METTL15: variants seen among roughly 807,000 people sequenced by gnomAD.
METTL15 encodes the protein methyltransferase 15, mitochondrial 12S rRNA N4-cytidine.
Under a neutral mutation model 38.3 loss-of-function variants are expected in METTL15, and 34 were observed. The ratio of observed to expected loss-of-function variants is 0.89; its 90% CI spans 0.68 to 1.18. METTL15 has a LOEUF of 1.18. Ranked by LOEUF, METTL15 falls within the 50% of genes most tolerant of loss-of-function variation. The pLI, the probability that METTL15 is intolerant of heterozygous loss-of-function variation, is 0.00. For synonymous variants in METTL15, 162 were observed against 170.9 expected, an observed-to-expected ratio of 0.95 and a Z score of 0.41; for missense variants, 438 against 498.4, an observed-to-expected ratio of 0.88 and a Z score of 1.15.
At chr11:28,235,081 G>A (rs1302169935) in intron 4 of METTL15, among the ~76,000 whole-genome samples, 1 of 152,100 alleles carries the variant, frequency 6.6e-6, no homozygotes, top group African/African-American at 2.4e-5. Context: ...TCCATTTCTT[G>A]TTTTTGTCAG....
chr11:28,173,717 G>C (rs1438125648), intron 3 of METTL15, among the ~76,000 whole-genome samples: 1 of 152,090 alleles, frequency 6.6e-6, no homozygotes, highest in Non-Finnish European at 1.5e-5. Flanking sequence ...TCACATCCAG[G>C]ATATCACACT....
intron 5 of METTL15, among the ~76,000 whole-genome samples, chr11:28,393,438 G>A (rs994029499): frequency 6.6e-6 from 1 of 152,092 alleles, no homozygotes; most frequent in South Asian, 2.1e-4. Flanking sequence ...TATGGGTCAG[G>A]AATTTTGAAG....
chr11:28,259,805 A>G (rs564621065), intron 4 of METTL15, among the ~76,000 whole-genome samples: 1 of 152,210 alleles, frequency 6.6e-6, no homozygotes, highest in South Asian at 2.1e-4. Flanking sequence ...TACTGTGAGT[A>G]CTCACCTGAC....
intron 5 of METTL15, among the ~76,000 whole-genome samples, chr11:28,374,674 T>A (rs1376902669): frequency 1.3e-5 from 2 of 150,520 alleles, no homozygotes; most frequent in African/African-American, 4.9e-5. Context: ...TCCTGCCTAA[T>A]TGCCCTGGCC....
intron 6 of METTL15, among the ~76,000 whole-genome samples, chr11:28,430,954 G>A (rs1259224368): frequency 1.1e-4 from 11 of 98,600 alleles, no homozygotes; most frequent in Admixed American, 2.1e-4. Flanking sequence ...GGTGAGGGGC[G>A]CCTCTGCCCG....
chr11:28,518,535 C>G (rs552386437), intron 6 of METTL15, among the ~76,000 whole-genome samples: 2 of 152,182 alleles, frequency 1.3e-5, no homozygotes, highest in Non-Finnish European at 2.9e-5. Flanking sequence ...ATAATTGAAA[C>G]AGTTTGGGAA....
intron 5 of METTL15, among the ~76,000 whole-genome samples, chr11:28,413,820 G>C (rs941725009): frequency 2.6e-5 from 4 of 152,120 alleles, no homozygotes; most frequent in African/African-American, 9.7e-5. Flanking sequence ...AAATTTTAAA[G>C]AAAGATAGTC....
chr11:28,194,419 C>T (rs1033364478), intron 3 of METTL15, among the ~76,000 whole-genome samples: 4 of 151,446 alleles, frequency 2.6e-5, no homozygotes, highest in Admixed American at 6.6e-5. Context: ...AGGCTGGTCT[C>T]GAACTCCTGA....
At chr11:28,163,529 ATCTCTCTCTC>A (rs756098921) in intron 3 of METTL15, 1 of 337,718 alleles carries the variant, frequency 3.0e-6, no homozygotes, top group East Asian at 4.4e-5. Flanking sequence ...CTTCTTACTG[ATCTCTCTCTC>A]TCTCTCTCTC....
intron 6 of METTL15, among the ~76,000 whole-genome samples, chr11:28,311,172 T>G (rs1162252610): frequency 6.6e-6 from 1 of 152,152 alleles, no homozygotes; most frequent in Non-Finnish European, 1.5e-5. Context: ...AAATCATTGT[T>G]TTGCTACTTA....
intron 5 of METTL15, among the ~76,000 whole-genome samples, chr11:28,374,115 G>A (rs1850278398): frequency 2.0e-5 from 3 of 152,156 alleles, no homozygotes; most frequent in Non-Finnish European, 4.4e-5. Flanking sequence ...CTCCAGCTTT[G>A]TTCTTTTGGC....
chr11:28,408,016 G>A (rs1850689336), intron 5 of METTL15, among the ~76,000 whole-genome samples: 1 of 152,106 alleles, frequency 6.6e-6, no homozygotes, highest in Non-Finnish European at 1.5e-5. Flanking sequence ...GGACATGGAT[G>A]GAGCTTGGAA....
At position 28,409,111 on chromosome 11, in the gene METTL15, A is replaced by G. The variant is rs1036058015; in HGVS notation, c.*359-15188A>G. On this transcript the variant is annotated intron_variant and NMD_transcript_variant, in intron 5 of 7. Coordinates refer to the METTL15 transcript ENST00000532947. Reference sequence around the variant, plus strand: ...AGAATATTTAAATCGGGCTGGGCGCAGTGGCTCACGCCTGTAATCCCAGCA... The same window carrying G: ...AGAATATTTAAATCGGGCTGGGCGCGGTGGCTCACGCCTGTAATCCCAGCA... 3.9e-5 allele frequency among the ~76,000 whole-genome samples: 6 copies of G among 152,172 alleles called. No homozygotes were observed. The South Asian group carries it at 1.0e-3, about 26-fold the overall frequency.
chr11:28,383,953 C>T (rs368587733), intron 5 of METTL15, among the ~76,000 whole-genome samples: 2 of 152,074 alleles, frequency 1.3e-5, no homozygotes, highest in South Asian at 2.1e-4. Context: ...TCCTGATTCT[C>T]TCTCTTATCC....
chr11:28,310,970 GTGT>G (rs1857277339), intron 6 of METTL15, among the ~76,000 whole-genome samples: 2 of 134,528 alleles, frequency 1.5e-5, no homozygotes, highest in African/African-American at 6.2e-5. Flanking sequence ...TGGTGGGTGT[GTGT>G]GTGTGTGTGT....
rs1849861154 is a variant in METTL15 at position 28,333,088 on chromosome 11, G to T, written c.*2247G>T. 1 of 151,496 alleles carries T rather than the reference G, an allele frequency of 6.6e-6. No homozygotes were observed. Among genetic ancestry groups the T allele is most frequent in the South Asian group, 2.1e-4 (1 of 4,800 alleles). The allele number at this position is 151,496 out of a possible 1,614,324, so 9.4% of individuals were successfully genotyped here. ...TAGATTCTCCCTCAGAGTTCCAGTA[G>T]TTGCCAACCCTGCTAACATGGTTTT... is the stretch of plus-strand genomic sequence containing the variant. On this transcript the variant is annotated 3_prime_UTR_variant, in exon 7 of 7. Transcript: ENST00000407364.
intron 4 of METTL15, among the ~76,000 whole-genome samples, chr11:28,280,077 C>CA (rs1235406963): frequency 6.6e-6 from 1 of 152,078 alleles, no homozygotes; most frequent in Non-Finnish European, 1.5e-5. Context: ...TGAACTCCCC[C>CA]AAAATTATTA....
chr11:28,166,955 A>G (rs765199325), intron 3 of METTL15, among the ~76,000 whole-genome samples: 5 of 152,208 alleles, frequency 3.3e-5, no homozygotes, highest in Non-Finnish European at 5.9e-5. Context: ...TCTCAAAAAA[A>G]TAAATAAAAA....
chr11:28,473,079 G>A (rs1019582526), intron 6 of METTL15, among the ~76,000 whole-genome samples: 1 of 152,174 alleles, frequency 6.6e-6, no homozygotes, highest in Admixed American at 6.6e-5. Context: ...TTAGGAAAGA[G>A]CATGTAGTTC....
Sources: gnomAD v4.1 joint callset for allele counts (sites outside exome capture counted in the v4.1 genomes callset) on GRCh38, gnomAD v4.1.1 for gene constraint, MANE v1.5 for transcripts, NCBI Gene and HGNC (gene_info 2026-07-23, HGNC 2026-07-21) for gene names.